KCNMA1: variants seen among roughly 807,000 people sequenced by gnomAD.
KCNMA1 encodes the protein Calcium-activated potassium channel subunit alpha-1.
Under a neutral mutation model 140.0 loss-of-function variants are expected in KCNMA1, and 29 were observed. That is an observed-to-expected ratio of 0.21 (90% CI 0.15 to 0.28). The LOEUF (loss-of-function observed/expected upper bound fraction) is 0.28, where lower values mean the gene tolerates loss of function less well. KCNMA1 is among the 10% of genes least tolerant of loss of function. The probability of loss-of-function intolerance (pLI) is 1.00; values close to 1 mark genes in which losing one functional copy is unlikely to be tolerated. For synonymous variants in KCNMA1, 612 were observed against 611.9 expected (o/e 1.00, Z 0.00); for missense variants, 880 against 1,602.2 (o/e 0.55, Z 7.70).
At chr10:77,026,904 C>T (rs752710380) in intron 16 of KCNMA1, among the ~76,000 whole-genome samples, 12 of 152,122 alleles carry the variant, frequency 7.9e-5, no homozygotes, top group Non-Finnish European at 1.8e-4. Context: ...TCTAGTCTTC[C>T]CCTGTACTCT....
intron 2 of KCNMA1, among the ~76,000 whole-genome samples, chr10:77,320,305 G>A (rs112164495): frequency 0.013 from 2,038 of 152,282 alleles, 44 homozygotes; most frequent in African/African-American, 0.047. Flanking sequence ...ACAGGAAATA[G>A]TAGCATTAAT....
chr10:77,035,703 C>T, intron 15 of KCNMA1, among the ~76,000 whole-genome samples: 1 of 152,102 alleles, frequency 6.6e-6, no homozygotes, highest in Non-Finnish European at 1.5e-5. Flanking sequence ...GTAAATATAA[C>T]TTGGATACAC....
chr10:77,616,631 C>A (rs929370099), intron 1 of KCNMA1, among the ~76,000 whole-genome samples: 7 of 151,956 alleles, frequency 4.6e-5, no homozygotes, highest in Non-Finnish European at 8.8e-5. Flanking sequence ...CATGGTGAAA[C>A]CCCGTCTCTA....
chr10:77,234,652 T>C (rs1167325453), intron 3 of KCNMA1, among the ~76,000 whole-genome samples: 1 of 152,240 alleles, frequency 6.6e-6, no homozygotes, highest in Admixed American at 6.5e-5. Context: ...CAGCATGTCC[T>C]ATGTGCTGTA....
At chr10:77,487,564 T>C (rs1476268690) in intron 1 of KCNMA1, among the ~76,000 whole-genome samples, 2 of 152,068 alleles carry the variant, frequency 1.3e-5, no homozygotes, top group Non-Finnish European at 1.5e-5. Context: ...TTCAACACAA[T>C]ATCCCAATAA....
At chr10:77,186,755 A>G (rs1487087423) in intron 3 of KCNMA1, among the ~76,000 whole-genome samples, 4 of 149,960 alleles carry the variant, frequency 2.7e-5, no homozygotes, top group East Asian at 3.9e-4. Flanking sequence ...GCATCTCTGC[A>G]GGATACGTTA....
intron 3 of KCNMA1, among the ~76,000 whole-genome samples, chr10:77,213,604 G>A (rs1218637179): frequency 6.6e-6 from 1 of 152,088 alleles, no homozygotes; most frequent in Non-Finnish European, 1.5e-5. Context: ...TATGGCCTGG[G>A]ACATAGCTCC....
intron 1 of KCNMA1, among the ~76,000 whole-genome samples, chr10:77,574,342 C>CA (rs972219998): frequency 6.6e-6 from 1 of 151,928 alleles, no homozygotes; most frequent in African/African-American, 2.4e-5. Context: ...TGTATATACA[C>CA]AATGTATGCT....
At chr10:77,096,042 C>G (rs563188916) in intron 9 of KCNMA1, among the ~76,000 whole-genome samples, 1 of 152,320 alleles carries the variant, frequency 6.6e-6, no homozygotes, top group South Asian at 2.1e-4. Context: ...CCCCCTCCCA[C>G]GTTCTTAAGT....
chr10:77,491,764 AC>A (rs777427061), intron 1 of KCNMA1, among the ~76,000 whole-genome samples: 2 of 151,150 alleles, frequency 1.3e-5, no homozygotes, highest in African/African-American at 2.4e-5. Flanking sequence ...CCCTACATAT[AC>A]CACCAGGGAG....
intron 2 of KCNMA1, among the ~76,000 whole-genome samples, chr10:77,387,512 G>A (rs952507652): frequency 1.0e-4 from 15 of 147,984 alleles, no homozygotes; most frequent in Admixed American, 2.7e-4. Context: ...GGCATCATTA[G>A]TCAGTCATGG....
At chr10:77,329,048 A>G (rs1438514211) in intron 2 of KCNMA1, among the ~76,000 whole-genome samples, 1 of 151,954 alleles carries the variant, frequency 6.6e-6, no homozygotes, top group East Asian at 1.9e-4. Context: ...CACCATGTTA[A>G]CCAGGATGGT....
intron 2 of KCNMA1, among the ~76,000 whole-genome samples, chr10:77,379,763 C>T (rs557791611): frequency 6.6e-6 from 1 of 152,154 alleles, no homozygotes; most frequent in South Asian, 2.1e-4. Flanking sequence ...CACATCAAGA[C>T]TATATCCAGC....
At chr10:76,880,823 A>G (rs542950728), downstream of KCNMA1, among the ~76,000 whole-genome samples, 4 of 152,340 alleles carry the variant, frequency 2.6e-5, no homozygotes, top group African/African-American at 9.6e-5. Flanking sequence ...TCCCTGTTTC[A>G]TCTCACATAC....
chr10:77,076,997 A>T (rs2096418317), intron 13 of KCNMA1, among the ~76,000 whole-genome samples: 1 of 152,156 alleles, frequency 6.6e-6, no homozygotes, highest in Non-Finnish European at 1.5e-5. Flanking sequence ...ATGCATGGAG[A>T]TCTCTAAGCA....
At chr10:76,975,002 G>A (rs944830723) in intron 19 of KCNMA1, among the ~76,000 whole-genome samples, 3 of 152,194 alleles carry the variant, frequency 2.0e-5, no homozygotes, top group South Asian at 2.1e-4. Context: ...TGTCTGTCTC[G>A]AACTGCCGGC....
chr10:77,536,647 G>A (rs1343837952), intron 1 of KCNMA1, among the ~76,000 whole-genome samples: 1 of 152,156 alleles, frequency 6.6e-6, no homozygotes, highest in Non-Finnish European at 1.5e-5. Context: ...GGTTCCCACA[G>A]CTTGTGGGCA....
chr10:77,118,397 A>T (rs2097528987), intron 6 of KCNMA1, among the ~76,000 whole-genome samples: 1 of 152,204 alleles, frequency 6.6e-6, no homozygotes, highest in Non-Finnish European at 1.5e-5. Flanking sequence ...GGCCTCAGAG[A>T]GTTGTCCTAA....
chr10:77,413,985 T>G (rs908175959), intron 1 of KCNMA1, among the ~76,000 whole-genome samples: 1 of 152,208 alleles, frequency 6.6e-6, no homozygotes, highest in Non-Finnish European at 1.5e-5. Flanking sequence ...TAGCCATTGC[T>G]TTCTGGGTGC....
Sources: allele counts gnomAD v4.1 joint callset (sites outside exome capture counted in the v4.1 genomes callset), GRCh38; gene constraint gnomAD v4.1.1; transcripts MANE v1.5; gene names NCBI Gene and HGNC (gene_info 2026-07-23, HGNC 2026-07-21).